CNTN4: variants seen among roughly 807,000 people sequenced by gnomAD.
CNTN4 encodes contactin 4.
Under a neutral mutation model 122.5 loss-of-function variants are expected in CNTN4, and 77 were observed. The observed-to-expected ratio is 0.63, with a 90% CI of 0.52 to 0.76. The LOEUF (loss-of-function observed/expected upper bound fraction) is 0.76, where lower values mean the gene tolerates loss of function less well. CNTN4 is among the 30% of genes least tolerant of loss of function. CNTN4 has a pLI of 0.00. For missense variants in CNTN4, 1,256 were observed against 1,259.1 expected (o/e 1.00, Z 0.04); for synonymous variants, 512 against 447.0 (o/e 1.15, Z -1.83).
At chr3:2,975,866 C>G (rs1450361120) in intron 13 of CNTN4, among the ~76,000 whole-genome samples, 1 of 151,968 alleles carries the variant, frequency 6.6e-6, no homozygotes, top group African/African-American at 2.4e-5. Flanking sequence ...ATATTACTTT[C>G]CTGTCCTTAC....
At chr3:2,628,130 G>A (rs17017496) in intron 4 of CNTN4, among the ~76,000 whole-genome samples, 4,535 of 152,240 alleles carry the variant, frequency 0.03, 224 homozygotes, top group African/African-American at 0.1. Flanking sequence ...ATTGTAAGCC[G>A]TTTTTCCTCC....
chr3:2,240,759 A>G (rs975254954), intron 2 of CNTN4, among the ~76,000 whole-genome samples: 1 of 152,176 alleles, frequency 6.6e-6, no homozygotes, highest in Non-Finnish European at 1.5e-5. Flanking sequence ...TTTAGTTTTG[A>G]ATACTAGATA....
intron 3 of CNTN4, among the ~76,000 whole-genome samples, chr3:2,497,662 G>T (rs1174477509): frequency 6.6e-6 from 1 of 152,202 alleles, no homozygotes; most frequent in East Asian, 1.9e-4. Flanking sequence ...TTGGTGATGT[G>T]AACTTATTTA....
chr3:2,738,815 TG>T (rs982048298), intron 5 of CNTN4, among the ~76,000 whole-genome samples: 4 of 152,056 alleles, frequency 2.6e-5, no homozygotes, highest in African/African-American at 7.2e-5. Flanking sequence ...TAAAAGCAGA[TG>T]GGTTTACATA....
At chr3:2,544,795 ATCT>A (rs1575929138) in intron 3 of CNTN4, among the ~76,000 whole-genome samples, 1 of 151,000 alleles carries the variant, frequency 6.6e-6, no homozygotes, top group East Asian at 2.0e-4. Flanking sequence ...TAGTCTATTT[ATCT>A]TCTTAATATT....
intron 2 of CNTN4, among the ~76,000 whole-genome samples, chr3:2,244,340 C>CA (rs2040060687): frequency 6.6e-6 from 1 of 151,974 alleles, no homozygotes; most frequent in Non-Finnish European, 1.5e-5. Context: ...CTGTGGAAAG[C>CA]AAAACCATGA....
chr3:2,383,499 G>T (rs1044031505), intron 3 of CNTN4, among the ~76,000 whole-genome samples: 4 of 152,090 alleles, frequency 2.6e-5, no homozygotes, highest in Non-Finnish European at 5.9e-5. Context: ...GGCCTGGAGG[G>T]ATTAGGTAAA....
At chr3:2,122,566 A>G (rs373707599) in intron 2 of CNTN4, among the ~76,000 whole-genome samples, 2 of 152,226 alleles carry the variant, frequency 1.3e-5, no homozygotes, top group East Asian at 3.9e-4. Context: ...ATGATAAACA[A>G]TATCTTTGTA....
intron 3 of CNTN4, among the ~76,000 whole-genome samples, chr3:2,483,069 C>T (rs2076052773): frequency 6.6e-6 from 1 of 152,156 alleles, no homozygotes; most frequent in African/African-American, 2.4e-5. Flanking sequence ...ACACTCAATG[C>T]CAGCCTGTGA....
chr3:2,276,731 C>T (rs2041523697), intron 2 of CNTN4, among the ~76,000 whole-genome samples: 1 of 152,100 alleles, frequency 6.6e-6, no homozygotes, highest in African/African-American at 2.4e-5. Flanking sequence ...GTCTGGCCAA[C>T]ATGGTGAAAC....
chr3:2,836,038 G>A (rs1360973673), intron 7 of CNTN4, among the ~76,000 whole-genome samples: 1 of 151,988 alleles, frequency 6.6e-6, no homozygotes, highest in Admixed American at 6.6e-5. Flanking sequence ...GTTAAAAAGA[G>A]CATATAATTT....
chr3:2,612,107 T>TACACACAC (rs58025362), intron 4 of CNTN4, among the ~76,000 whole-genome samples: 4,231 of 150,148 alleles, frequency 0.028, 85 homozygotes, highest in Non-Finnish European at 0.041. Flanking sequence ...ATACATATAA[T>TACACACAC]ACACACACAC....
intron 4 of CNTN4, among the ~76,000 whole-genome samples, chr3:2,674,108 A>G (rs1211047835): frequency 1.3e-5 from 2 of 152,160 alleles, no homozygotes; most frequent in Non-Finnish European, 2.9e-5. Flanking sequence ...ATAATAAATC[A>G]TTATTGTTTT....
chr3:2,400,428 C>CATAT lies in CNTN4; in HGVS notation c.-89+61214_-89+61217dup, dbSNP rs58112641. 1.2e-3 allele frequency among the ~76,000 whole-genome samples: 117 copies of CATAT among 95,796 alleles called. 1 individual carries two copies. Among genetic ancestry groups the CATAT allele is most frequent in the East Asian group, 0.01 (39 of 3,814 alleles). The allele number at this position is 95,796 out of a possible 152,430, so 62.8% of individuals were successfully genotyped here. A position where few individuals can be genotyped will look rare whatever the true frequency, so the allele number is the denominator to read the frequency against. On this transcript the variant is annotated intron_variant, in intron 3 of 24. Transcript: ENST00000418658. ...GAATATATATATATATATATATATACATATATATATATATATATATATCTC... is the reference window on the plus strand; with the variant it reads ...GAATATATATATATATATATATATACATATATATATATATATATATATATATCTC...
intron 4 of CNTN4, among the ~76,000 whole-genome samples, chr3:2,648,460 C>T (rs766158191): frequency 6.6e-6 from 1 of 152,088 alleles, no homozygotes; most frequent in Non-Finnish European, 1.5e-5. Flanking sequence ...AAAGTTTATT[C>T]TTACTATTAT....
At chr3:2,575,787 T>C (rs925712667) in intron 4 of CNTN4, among the ~76,000 whole-genome samples, 14 of 149,260 alleles carry the variant, frequency 9.4e-5, no homozygotes, top group African/African-American at 3.0e-4. Flanking sequence ...TGAATAATGA[T>C]ATATTTTGCT....
intron 3 of CNTN4, among the ~76,000 whole-genome samples, chr3:2,527,421 CTGCTGCTGCTGCTGT>C (rs1187961437): frequency 3.3e-5 from 5 of 152,350 alleles, no homozygotes; most frequent in African/African-American, 9.6e-5. Flanking sequence ...GCTGCTGCTG[CTGCTGCTGCTGCTGT>C]TGCTGTTATT....
chr3:3,021,591 G>A (rs1268590255), intron 14 of CNTN4, among the ~76,000 whole-genome samples: 1 of 152,204 alleles, frequency 6.6e-6, no homozygotes, highest in Non-Finnish European at 1.5e-5. Context: ...CAAAAGGGAT[G>A]TGTCTCCTTC....
chr3:2,805,475 A>G (rs559553761), intron 6 of CNTN4, among the ~76,000 whole-genome samples: 17 of 152,346 alleles, frequency 1.1e-4, no homozygotes, highest in South Asian at 4.1e-4. Context: ...ATGAGAATGT[A>G]GCTGGATATT....
Sources: gnomAD v4.1 joint callset for allele counts (sites outside exome capture counted in the v4.1 genomes callset) on GRCh38, gnomAD v4.1.1 for gene constraint, MANE v1.5 for transcripts, NCBI Gene and HGNC (gene_info 2026-07-23, HGNC 2026-07-21) for gene names.